The following TMEM177 variants were observed in gnomAD, a reference collection of about 807,000 sequenced individuals.
TMEM177 encodes transmembrane protein 177.
A neutral mutation model predicts 14.2 loss-of-function variants in TMEM177; 4 were observed. The ratio of observed to expected loss-of-function variants is 0.28; its 90% CI spans 0.14 to 0.64. TMEM177 has a LOEUF of 0.64. TMEM177 is among the 30% of genes least tolerant of loss of function. The pLI is 0.82. For missense variants in TMEM177, 344 were observed against 405.2 expected (o/e 0.85, Z 1.30); for synonymous variants, 179 against 174.5 (o/e 1.03, Z -0.20).
the TMEM177 span, among the ~76,000 whole-genome samples, chr2:119,710,032 C>G: frequency 6.6e-6 from 1 of 152,058 alleles, no homozygotes; most frequent in South Asian, 2.1e-4. Flanking sequence ...GCAGAGTTTT[C>G]TTTGGGGGTG....
the TMEM177 span, among the ~76,000 whole-genome samples, chr2:119,700,694 A>C: frequency 2.0e-5 from 3 of 152,144 alleles, no homozygotes; most frequent in Admixed American, 2.0e-4. Context: ...ATTCAATGAC[A>C]AGACCTGGCC....
chr2:119,702,128 C>T, the TMEM177 span, among the ~76,000 whole-genome samples: 2 of 152,238 alleles, frequency 1.3e-5, no homozygotes, highest in African/African-American at 4.8e-5. Flanking sequence ...AGGCTGGTCC[C>T]CAGGCAAGAA....
downstream of TMEM177, chr2:119,685,570 A>T: frequency 1.4e-6 from 1 of 700,716 alleles, no homozygotes; most frequent in Non-Finnish European, 2.6e-6. Context: ...ATTATCCTCC[A>T]GACACTGTGC....
the TMEM177 span, among the ~76,000 whole-genome samples, chr2:119,718,533 T>G: frequency 6.6e-6 from 1 of 152,204 alleles, no homozygotes; most frequent in South Asian, 2.1e-4. Flanking sequence ...CTCTGGATAA[T>G]TATTTGCTAC....
chr2:119,681,202 A>T lies in TMEM177; in HGVS notation c.349A>T (p.Asn117Tyr). Residue 117 changes from asparagine to tyrosine, a missense_variant, in exon 2 of 2, where the codon AAC (asparagine) becomes TAC (tyrosine). Asn to Tyr is a moderately radical substitution (Grantham distance 143). Transcript: ENST00000272521. ...PASFLGDLVI[N>Y]TNHPVVIHGH... is the part of the protein sequence containing the mutation. ...CAGTTTCTTGGGAGACCTAGTGATC[A>T]ACACTAACCATCCCGTGGTCATACA... is the stretch of plus-strand genomic sequence containing the variant. 1 of 1,614,216 alleles carries T rather than the reference A, an allele frequency of 6.2e-7. No homozygotes were observed. The highest frequency in any genetic ancestry group is 8.5e-7 in the Non-Finnish European group (1 of 1,180,028).
chr2:119,720,041 C>T, the TMEM177 span, among the ~76,000 whole-genome samples: 1 of 152,166 alleles, frequency 6.6e-6, no homozygotes, highest in African/African-American at 2.4e-5. Context: ...AGCAATCCTC[C>T]CACCACAGCC....
chr2:119,683,087 A>G (rs988276054), downstream of TMEM177, among the ~76,000 whole-genome samples: 1 of 152,176 alleles, frequency 6.6e-6, no homozygotes, highest in East Asian at 1.9e-4. Context: ...ATTTGAACAC[A>G]GTGGTGGCAG....
the TMEM177 span, among the ~76,000 whole-genome samples, chr2:119,716,128 C>T: frequency 2.4e-4 from 36 of 152,162 alleles, no homozygotes; most frequent in Non-Finnish European, 1.6e-4. Flanking sequence ...TGATCTGTGC[C>T]GCCAAGAAAG....
At chr2:119,707,353 G>A in the TMEM177 span, among the ~76,000 whole-genome samples, 10 of 152,188 alleles carry the variant, frequency 6.6e-5, no homozygotes, top group African/African-American at 2.4e-4. Flanking sequence ...TCAAGGTTCT[G>A]GTGGCAGGAA....
chr2:119,695,078 A>G, the TMEM177 span, among the ~76,000 whole-genome samples: 1 of 152,146 alleles, frequency 6.6e-6, no homozygotes, highest in Non-Finnish European at 1.5e-5. Context: ...AGCCCTTCTG[A>G]AAAACAAACA....
chr2:119,704,160 A>G, the TMEM177 span, among the ~76,000 whole-genome samples: 15 of 152,392 alleles, frequency 9.8e-5, no homozygotes, highest in Admixed American at 3.9e-4. Context: ...ATTTGAAAGC[A>G]TGGTCTAATA....
chr2:119,688,859 GAC>G (rs1689055729), downstream of TMEM177, among the ~76,000 whole-genome samples: 1 of 152,210 alleles, frequency 6.6e-6, no homozygotes, highest in East Asian at 1.9e-4. Flanking sequence ...GGATTTGACT[GAC>G]AGCCCCAGCT....
chr2:119,701,243 T>G, the TMEM177 span, among the ~76,000 whole-genome samples: 1 of 152,236 alleles, frequency 6.6e-6, no homozygotes, highest in Admixed American at 6.5e-5. Context: ...TTTCCAAGCC[T>G]TCCTAGAGCC....
chr2:119,681,266 G>T lies in TMEM177; in HGVS notation c.413G>T (p.Arg138Leu). 6.2e-7 allele frequency: 1 copy of T among 1,614,254 alleles called. No homozygotes were observed. Among genetic ancestry groups the T allele is most frequent in the Non-Finnish European group, 8.5e-7 (1 of 1,180,048 alleles). Residue 138 changes from arginine to leucine, a missense_variant, in exon 2 of 2, where the codon CGG becomes CTG. Coordinates refer to ENST00000272521, the MANE Select transcript of TMEM177 (RefSeq NM_030577.3). ...GACTGGCGGAGCCCAGCAGGCGCCCGGCTGAGAGCTTCCCTGACCTTGTCC... is the reference window on the plus strand; with the variant it reads ...GACTGGCGGAGCCCAGCAGGCGCCCTGCTGAGAGCTTCCCTGACCTTGTCC... The part of the protein sequence containing the change: ...TVDWRSPAGA[R>L]LRASLTLSRE...
chr2:119,722,849 T>A, the TMEM177 span, among the ~76,000 whole-genome samples: 5 of 152,308 alleles, frequency 3.3e-5, no homozygotes, highest in South Asian at 8.3e-4. Context: ...CAAGAGAACA[T>A]CCCTCTGAAT....
At chr2:119,722,804 TG>T in the TMEM177 span, among the ~76,000 whole-genome samples, 1 of 152,192 alleles carries the variant, frequency 6.6e-6, no homozygotes, top group South Asian at 2.1e-4. Flanking sequence ...TGGCACATGG[TG>T]GGCCTTTAAC....
chr2:119,700,181 T>G, the TMEM177 span: 2 of 185,248 alleles, frequency 1.1e-5, no homozygotes, highest in East Asian at 1.3e-4. Context: ...TAAATGCAAT[T>G]AAAAGGAAAC....
the TMEM177 span, among the ~76,000 whole-genome samples, chr2:119,718,699 G>T: frequency 1.6e-4 from 25 of 152,272 alleles, no homozygotes; most frequent in Admixed American, 1.2e-3. Context: ...ATTGTTGAAA[G>T]GAGAGAAAGT....
the TMEM177 span, among the ~76,000 whole-genome samples, chr2:119,699,487 G>A: frequency 1.0e-3 from 158 of 152,292 alleles, no homozygotes; most frequent in African/African-American, 3.7e-3. Flanking sequence ...TGGTGAGTAA[G>A]ACAGGGTTCC....
Sources: gnomAD v4.1 joint callset for allele counts (sites outside exome capture counted in the v4.1 genomes callset) on GRCh38, gnomAD v4.1.1 for gene constraint, MANE v1.5 for transcripts, NCBI Gene and HGNC (gene_info 2026-07-23, HGNC 2026-07-21) for gene names.